The following C6orf163 variants were observed in gnomAD, a reference collection of about 807,000 sequenced individuals.
C6orf163 encodes uncharacterized protein C6orf163.
C6orf163 carries 22 observed loss-of-function variants against 28.4 expected under a neutral mutation model. The observed-to-expected ratio is 0.78, with a 90% CI of 0.55 to 1.11. The LOEUF (loss-of-function observed/expected upper bound fraction) is 1.11, where lower values mean the gene tolerates loss of function less well. Ranked by LOEUF, C6orf163 falls within the 50% of genes least tolerant of loss-of-function variation. The probability of loss-of-function intolerance (pLI) is 0.00; values close to 1 mark genes in which losing one functional copy is unlikely to be tolerated. For synonymous variants in C6orf163, 110 were observed against 123.6 expected (o/e 0.89, Z 0.73); for missense variants, 342 against 389.1 (o/e 0.88, Z 1.02).
chr6:87,359,708 G>A (rs1256003387), intron 4 of C6orf163, among the ~76,000 whole-genome samples: 2 of 152,182 alleles, frequency 1.3e-5, no homozygotes, highest in Non-Finnish European at 2.9e-5. Flanking sequence ...TATTTAGTAA[G>A]TTGTTTTCAT....
intron 1 of C6orf163, chr6:87,348,387 A>T (rs1777359650): frequency 2.0e-6 from 2 of 988,614 alleles, no homozygotes; most frequent in Non-Finnish European, 2.4e-6. Flanking sequence ...AAAGAAAGGC[A>T]TGTAATGTGA....
At chr6:87,348,298 A>G (rs754417386) in intron 1 of C6orf163, 17 of 985,398 alleles carry the variant, frequency 1.7e-5, no homozygotes, top group Non-Finnish European at 2.0e-5. Flanking sequence ...AAATTAGATC[A>G]TTGACAGAAA....
In C6orf163 at chr6:87,365,109, G is replaced by A. The variant is rs779668933; in HGVS notation, c.703G>A (p.Val235Met). Residue 235 changes from valine (V) to methionine (M), a missense_variant, in exon 5 of 5, where the codon GTG becomes ATG. Coordinates refer to ENST00000388923, the MANE Select transcript of C6orf163 (RefSeq NM_001010868.3). Reference protein sequence around the residue: ...QRQRQEEVQEVLQEAEKTHQA... With the variant: ...QRQRQEEVQEMLQEAEKTHQA... Reference sequence around the variant, plus strand: ...GCAGAGGCAAGAAGAGGTACAGGAAGTGCTTCAAGAAGCAGAGAAAACACA... The same window carrying A: ...GCAGAGGCAAGAAGAGGTACAGGAAATGCTTCAAGAAGCAGAGAAAACACA... The A allele has an allele frequency of 7.1e-6, 11 of 1,551,918 alleles. No individual in the cohort carries two copies. In the South Asian group the frequency reaches 8.3e-5, roughly 12 times the overall value.
intron 4 of C6orf163, among the ~76,000 whole-genome samples, chr6:87,359,627 C>G (rs1777554070): frequency 6.6e-6 from 1 of 152,178 alleles, no homozygotes; most frequent in Non-Finnish European, 1.5e-5. Context: ...TCAATTGCTA[C>G]TATGGACTTT....
At chr6:87,346,583 T>C (rs12211627) in intron 1 of C6orf163, among the ~76,000 whole-genome samples, 90,102 of 152,098 alleles carry the variant, frequency 0.59, 27,040 homozygotes, top group African/African-American at 0.64. Context: ...GAAAGAAAGT[T>C]GAAATTGTCT....
At chr6:87,362,293 A>G (rs1202778823) in intron 4 of C6orf163, among the ~76,000 whole-genome samples, 1 of 152,190 alleles carries the variant, frequency 6.6e-6, no homozygotes, top group Non-Finnish European at 1.5e-5. Flanking sequence ...CCTGGCCAAC[A>G]TAGTGAAACC....
At chr6:87,361,901 C>G (rs1777585739) in intron 4 of C6orf163, among the ~76,000 whole-genome samples, 1 of 152,176 alleles carries the variant, frequency 6.6e-6, no homozygotes, top group Admixed American at 6.6e-5. Context: ...AGACCCTCAT[C>G]ATTGCACCTC....
intron 4 of C6orf163, among the ~76,000 whole-genome samples, chr6:87,364,026 G>A (rs948177675): frequency 1.3e-5 from 2 of 152,144 alleles, no homozygotes; most frequent in African/African-American, 4.8e-5. Flanking sequence ...GCTTATACCT[G>A]TAATCCCAGC....
Position 87,356,300 on chromosome 6 carries a change from G to T in C6orf163, c.352-1G>T. On this transcript the variant is annotated splice_acceptor_variant, in intron 3 of 4. Transcript: ENST00000388923. LOFTEE classifies it high-confidence loss of function. ...TAAACCTAGTTTTGCCATTGCTTCAGGAAGTGACAGCTAAAACTAAGACAG... is the reference window on the plus strand; with the variant it reads ...TAAACCTAGTTTTGCCATTGCTTCATGAAGTGACAGCTAAAACTAAGACAG... 1 of 1,551,540 alleles carries T rather than the reference G, an allele frequency of 6.4e-7. No homozygotes were observed. The highest frequency in any genetic ancestry group is 8.7e-7 in the Non-Finnish European group (1 of 1,146,872).
chr6:87,347,448 A>G (rs1777342455), intron 1 of C6orf163: 7 of 985,434 alleles, frequency 7.1e-6, no homozygotes, highest in Non-Finnish European at 8.4e-6. Flanking sequence ...ATGAAGTTCA[A>G]TACGTTGATG....
At chr6:87,358,640 T>C (rs1777540869) in intron 4 of C6orf163, 1 of 152,008 alleles carries the variant, frequency 6.6e-6, no homozygotes. Flanking sequence ...AAGGTTCTAA[T>C]TGTTTTCTAG....
At chr6:87,348,783 T>G in intron 1 of C6orf163, 29 bp from the exon 2 acceptor site, 1 of 1,535,328 alleles carries the variant, frequency 6.5e-7, no homozygotes, top group Admixed American at 2.0e-5. Flanking sequence ...TCGGTGGAGG[T>G]TTGTGACCAT....
intron 3 of C6orf163, 126 bp from the exon 4 acceptor site, chr6:87,356,175 A>T: frequency 1.3e-6 from 1 of 782,920 alleles, no homozygotes; most frequent in Non-Finnish European, 2.0e-6. Flanking sequence ...CTCTTCTTTT[A>T]AATCATCAGT....
chr6:87,356,531 A>G (rs1206619069), intron 4 of C6orf163, 28 bp downstream of exon 4: 1 of 1,543,278 alleles, frequency 6.5e-7, no homozygotes, highest in Non-Finnish European at 8.8e-7. Context: ...TTTACAAATT[A>G]GTAACTTCCT....
chr6:87,348,154 CAA>C, intron 1 of C6orf163: 1 of 950,146 alleles, frequency 1.1e-6, no homozygotes, highest in Non-Finnish European at 1.3e-6. Flanking sequence ...GACTCCCTCT[CAA>C]AAAAAAAGAG....
intron 4 of C6orf163, among the ~76,000 whole-genome samples, chr6:87,361,243 T>C (rs1480301101): frequency 6.6e-6 from 1 of 152,040 alleles, no homozygotes; most frequent in Non-Finnish European, 1.5e-5. Context: ...AAGATGGTGC[T>C]GCTGCACTCC....
At chr6:87,361,859 C>T (rs1470703099) in intron 4 of C6orf163, among the ~76,000 whole-genome samples, 1 of 152,136 alleles carries the variant, frequency 6.6e-6, no homozygotes, top group Admixed American at 6.6e-5. Context: ...CATTCTCTCC[C>T]TCTTCCCAAC....
intron 2 of C6orf163, 116 bp from the exon 3 acceptor site, chr6:87,350,278 G>C (rs1777391266): frequency 1.5e-6 from 1 of 677,574 alleles, no homozygotes; most frequent in South Asian, 1.7e-5. Flanking sequence ...GGACTCCATG[G>C]TTGTTGCTAA....
At chr6:87,348,227 C>G in intron 1 of C6orf163, 1 of 984,424 alleles carries the variant, frequency 1.0e-6, no homozygotes, top group East Asian at 1.1e-4. Flanking sequence ...CCTCTCTAGA[C>G]TTTTATTACC....
Sources: gnomAD v4.1 joint callset for allele counts (sites outside exome capture counted in the v4.1 genomes callset) on GRCh38, gnomAD v4.1.1 for gene constraint, MANE v1.5 for transcripts, NCBI Gene and HGNC (gene_info 2026-07-23, HGNC 2026-07-21) for gene names.